The following CATSPERD variants were observed in gnomAD, a reference collection of about 807,000 sequenced individuals.
The protein encoded by CATSPERD is catsper channel auxiliary subunit delta.
In CATSPERD, 86 loss-of-function variants were observed where a neutral mutation model predicts 98.1. The ratio of observed to expected loss-of-function variants is 0.88; its 90% CI spans 0.74 to 1.05. CATSPERD has a LOEUF of 1.05. Among genes scored for constraint, CATSPERD ranks in the 50% least tolerant of loss-of-function variants. The pLI is 0.00. For synonymous variants in CATSPERD, 394 were observed against 390.2 expected (o/e 1.01, Z -0.12); for missense variants, 995 against 1,005.7 (o/e 0.99, Z 0.14).
chr19:5,750,219 T>A (rs569117354), intron 11 of CATSPERD, among the ~76,000 whole-genome samples: 61 of 147,924 alleles, frequency 4.1e-4, no homozygotes, highest in Non-Finnish European at 6.9e-4. Context: ...GTGGCCAAGG[T>A]GGGCGGATCA....
intron 2 of CATSPERD, among the ~76,000 whole-genome samples, chr19:5,725,510 C>G (rs1196443725): frequency 1.3e-5 from 2 of 152,018 alleles, no homozygotes; most frequent in Non-Finnish European, 2.9e-5. Flanking sequence ...ACTTTGTTTA[C>G]CTCATGTAAT....
intron 1 of CATSPERD, among the ~76,000 whole-genome samples, chr19:5,721,796 C>G (rs909507623): frequency 1.2e-4 from 18 of 152,092 alleles, no homozygotes; most frequent in African/African-American, 3.9e-4. Context: ...CCAGACCAGC[C>G]TGGCCAACAT....
intron 21 of CATSPERD, among the ~76,000 whole-genome samples, chr19:5,777,083 A>G (rs2056752632): frequency 1.3e-5 from 2 of 152,018 alleles, no homozygotes; most frequent in South Asian, 4.1e-4. Context: ...TGCCATGTGG[A>G]TCAGTGTGTC....
chr19:5,732,837 A>T (rs1481104242), intron 4 of CATSPERD, among the ~76,000 whole-genome samples: 2 of 151,708 alleles, frequency 1.3e-5, no homozygotes. Context: ...CACCATGCCT[A>T]GCTAATTTTT....
At chr19:5,767,153 T>C (rs2056553694) in intron 17 of CATSPERD, among the ~76,000 whole-genome samples, 1 of 150,430 alleles carries the variant, frequency 6.6e-6, no homozygotes. Context: ...CCGTCTCTAC[T>C]AAAAATACAA....
In CATSPERD at chr19:5,757,943, T is replaced by C; in HGVS notation, c.1368+11T>C. On this transcript the variant is annotated intron_variant, in intron 14 of 21. Coordinates refer to ENST00000381624, the MANE Select transcript of CATSPERD (RefSeq NM_152784.4). ...ACCAAGTACAAACTGGTGAGCCGCG[T>C]CCCCACCAAACCCTGTCGCCTGTCC... 6.2e-7 allele frequency: 1 copy of C among 1,608,452 alleles called. No individual in the cohort carries two copies. Among genetic ancestry groups the C allele is most frequent in the Non-Finnish European group, 8.5e-7 (1 of 1,177,396 alleles).
At position 5,760,307 on chromosome 19, in the gene CATSPERD, G is replaced by A. The variant is rs1386827795; in HGVS notation, c.1427+1163G>A. Among the ~76,000 whole-genome samples, 20 of 151,390 alleles carry A rather than the reference G, an allele frequency of 1.3e-4. No homozygotes were observed. In the South Asian group the frequency reaches 2.9e-3, roughly 22 times the overall value. On this transcript the variant is annotated intron_variant, in intron 15 of 21. Transcript: ENST00000381624. ...TCAGCTACTCGGGAGGCTGAGGCAG[G>A]AGAATCGCTTGAACCCGGGAGGCAG...
chr19:5,762,894 T>C (rs373225113), intron 15 of CATSPERD, among the ~76,000 whole-genome samples: 31 of 150,292 alleles, frequency 2.1e-4, no homozygotes, highest in African/African-American at 7.6e-4. Context: ...AATGGGTAGA[T>C]GGATGATTGG....
intron 15 of CATSPERD, among the ~76,000 whole-genome samples, chr19:5,760,272 G>A (rs896919736): frequency 2.0e-5 from 3 of 150,958 alleles, no homozygotes; most frequent in South Asian, 2.1e-4. Flanking sequence ...GGTGACAGGC[G>A]CCTGTAGTCT....
chr19:5,754,707 T>A (rs2485269), intron 13 of CATSPERD, among the ~76,000 whole-genome samples: 2 of 151,444 alleles, frequency 1.3e-5, no homozygotes, highest in Non-Finnish European at 2.9e-5. Context: ...CATTTCTATG[T>A]GTCTTCCCCC....
chr19:5,743,876 A>T (rs2056045424), intron 7 of CATSPERD, among the ~76,000 whole-genome samples: 1 of 152,150 alleles, frequency 6.6e-6, no homozygotes, highest in Non-Finnish European at 1.5e-5. Flanking sequence ...CCAGGCAGGA[A>T]TGAAAGACTC....
rs201746413 is a variant in CATSPERD, at chr19:5,751,791, A to G, written c.1132A>G (p.Met378Val). ...KCLVNIQALL[M>V]DPELHVGKCK... ...CCTCGTGAATATCCAGGCGCTTCTC[A>G]TGGACCCTGAACTCCACGTTGGAAA... Residue 378 changes from methionine (M) to valine (V), a missense_variant, in exon 12 of 22, where the codon ATG (methionine) becomes GTG (valine). Met to Val is a conservative substitution (Grantham distance 21). Around this residue, in one of 3 missense-constraint regions of CATSPERD, gnomAD observed 762 missense variants for 773.7 expected, o/e 0.98. Transcript: ENST00000381624. The G allele has an allele frequency of 1.6e-4, 253 of 1,613,390 alleles. 3 individuals carry two copies. In the African/African-American group the frequency reaches 3.1e-3, roughly 20 times the overall value.
intron 15 of CATSPERD, among the ~76,000 whole-genome samples, chr19:5,762,572 G>T (rs2056460686): frequency 1.3e-5 from 2 of 152,182 alleles, no homozygotes; most frequent in African/African-American, 2.4e-5. Flanking sequence ...TGGATAGATG[G>T]ATAGAGAGAT....
chr19:5,778,361 C>T lies in CATSPERD; in HGVS notation c.2097-15C>T. The T allele has an allele frequency of 1.3e-6, 2 of 1,589,550 alleles. No individual in the cohort carries two copies. The highest frequency in any genetic ancestry group is 1.7e-6 in the Non-Finnish European group (2 of 1,165,044). On this transcript the variant is annotated splice_polypyrimidine_tract_variant and intron_variant, in intron 21 of 21. Transcript: ENST00000381624. ...GCAATGCCCAACAGCCTCTCCCCGCCTCCCCCCACCGCAGCTACTGTCAAC... is the reference window on the plus strand; with the variant it reads ...GCAATGCCCAACAGCCTCTCCCCGCTTCCCCCCACCGCAGCTACTGTCAAC...
At chr19:5,720,832 GC>G (rs780233790) in intron 1 of CATSPERD, 24 bp downstream of exon 1, 245 of 1,586,328 alleles carry the variant, frequency 1.5e-4, no homozygotes, top group Non-Finnish European at 2.0e-4. Flanking sequence ...GACTCCTGGG[GC>G]TGGGGTGCTG....
chr19:5,724,112 G>C (rs534764360), intron 1 of CATSPERD, among the ~76,000 whole-genome samples: 361 of 151,452 alleles, frequency 2.4e-3, no homozygotes, highest in Non-Finnish European at 4.2e-3. Flanking sequence ...TTTTAGTAGA[G>C]ACGAGATTTC....
intron 7 of CATSPERD, among the ~76,000 whole-genome samples, chr19:5,742,258 G>T (rs1240875285): frequency 6.6e-6 from 1 of 151,356 alleles, no homozygotes; most frequent in Non-Finnish European, 1.5e-5. Flanking sequence ...ATGTGTGTGG[G>T]TGTGCGTGTG....
In CATSPERD at chr19:5,757,897, G is replaced by A. The variant is rs771249732; in HGVS notation, c.1333G>A (p.Gly445Ser). The change falls in exon 14 of 22, where the codon GGT becomes AGT. Residue 445 changes from glycine to serine, a missense_variant. Coordinates refer to ENST00000381624, the MANE Select transcript of CATSPERD (RefSeq NM_152784.4). ...GTTCCAGGCCACCTTCTACGAGAACGGTTACACATCAGATGGGAACACCAA... is the reference window on the plus strand; with the variant it reads ...GTTCCAGGCCACCTTCTACGAGAACAGTTACACATCAGATGGGAACACCAA... ...LGFQATFYEN[G>S]YTSDGNTKYK... 9.3e-6 allele frequency: 15 copies of A among 1,613,302 alleles called. No individual in the cohort carries two copies. The highest frequency in any genetic ancestry group is 1.6e-4 in the Middle Eastern group (1 of 6,084).
intron 2 of CATSPERD, 107 bp from the exon 3 acceptor site, chr19:5,727,161 C>G: frequency 1.3e-6 from 1 of 797,468 alleles, no homozygotes; most frequent in South Asian, 1.6e-5. Flanking sequence ...TGCAACTGCA[C>G]TCCAGCCTGG....
Sources: allele counts gnomAD v4.1 joint callset (sites outside exome capture counted in the v4.1 genomes callset), GRCh38; gene constraint gnomAD v4.1.1; regional missense constraint gnomAD v4.1.1; transcripts MANE v1.5; gene names NCBI Gene and HGNC (gene_info 2026-07-23, HGNC 2026-07-21).